The following SCEL variants were observed in gnomAD, a reference collection of about 807,000 sequenced individuals.
SCEL encodes the protein sciellin.
Under a neutral mutation model 117.6 loss-of-function variants are expected in SCEL, and 113 were observed. That is an observed-to-expected ratio of 0.96 (90% confidence interval 0.83 to 1.12). The LOEUF (loss-of-function observed/expected upper bound fraction) is 1.12. Ranked by LOEUF, SCEL falls within the 50% of genes most tolerant of loss-of-function variation. The pLI, the probability that SCEL is intolerant of heterozygous loss-of-function variation, is 0.00. For synonymous variants in SCEL, 270 were observed against 256.2 expected (o/e 1.05, Z -0.51); for missense variants, 785 against 810.8 (o/e 0.97, Z 0.39).
At chr13:77,627,378 A>G (rs2089793187) in intron 27 of SCEL, among the ~76,000 whole-genome samples, 1 of 152,186 alleles carries the variant, frequency 6.6e-6, no homozygotes, top group Non-Finnish European at 1.5e-5. Context: ...ATGTTAGCTG[A>G]AAAGAAGTCG....
chr13:77,638,600 G>C (rs2090414963), intron 30 of SCEL, among the ~76,000 whole-genome samples: 1 of 152,180 alleles, frequency 6.6e-6, no homozygotes, highest in African/African-American at 2.4e-5. Flanking sequence ...GCAGAAGTCA[G>C]TTCTCCATGA....
chr13:77,631,182 G>A (rs927852427), intron 28 of SCEL, among the ~76,000 whole-genome samples: 15 of 152,164 alleles, frequency 9.9e-5, no homozygotes, highest in South Asian at 6.2e-4. Context: ...TCTGGATAGG[G>A]GGCCCAGTAG....
rs182930937 is a variant in SCEL at position 77,591,459 on chromosome 13, A to G, written c.691A>G (p.Arg231Gly). Reference protein sequence around the residue: ...ETNRSAERNIRSQDLDNIVKV... With the variant: ...ETNRSAERNIGSQDLDNIVKV... ...CAACAGATCTGCTGAAAGAAATATA[A>G]GGTACACTGATTTCTATTTATATCT... Residue 231 changes from arginine to glycine, a missense_variant and splice_region_variant, in exon 11 of 33, where the codon AGG (arginine) becomes GGG (glycine). By Grantham distance (125) the Arg-to-Gly change is moderately radical (BLOSUM62 -2). Coordinates refer to ENST00000349847, the MANE Select transcript of SCEL (RefSeq NM_144777.3). The G allele has an allele frequency of 2.5e-5, 38 of 1,517,284 alleles. No homozygotes were observed. The East Asian group carries it at 8.1e-4, about 32-fold the overall frequency. The allele number at this position is 1,517,284 out of a possible 1,614,324, so 94.0% of individuals were successfully genotyped here. A position where few individuals can be genotyped will look rare whatever the true frequency, so the allele number is the denominator to read the frequency against.
At chr13:77,562,998 G>C (rs375239848) in intron 4 of SCEL, among the ~76,000 whole-genome samples, 1 of 152,102 alleles carries the variant, frequency 6.6e-6, no homozygotes, top group African/African-American at 2.4e-5. Flanking sequence ...ATATCATAGG[G>C]TTATATGAGG....
At chr13:77,638,644 A>G (rs1030436179) in intron 30 of SCEL, among the ~76,000 whole-genome samples, 2 of 152,206 alleles carry the variant, frequency 1.3e-5, no homozygotes, top group African/African-American at 4.8e-5. Flanking sequence ...TGCTGTTGAT[A>G]GTGTGTGAAA....
intron 3 of SCEL, among the ~76,000 whole-genome samples, chr13:77,558,150 G>A (rs1367109232): frequency 2.0e-5 from 3 of 152,196 alleles, no homozygotes; most frequent in Admixed American, 6.5e-5. Context: ...TTACACAGAC[G>A]AGTGACGATA....
At chr13:77,631,960 A>G (rs1321041350) in intron 28 of SCEL, among the ~76,000 whole-genome samples, 2 of 152,198 alleles carry the variant, frequency 1.3e-5, no homozygotes, top group African/African-American at 4.8e-5. Context: ...GGCCTCTCTT[A>G]CTGGCTTGCA....
At chr13:77,588,298 A>T (rs368927943) in intron 9 of SCEL, among the ~76,000 whole-genome samples, 1 of 152,248 alleles carries the variant, frequency 6.6e-6, no homozygotes, top group African/African-American at 2.4e-5. Flanking sequence ...AATCAAGTTA[A>T]CCTGTTACCA....
intron 4 of SCEL, among the ~76,000 whole-genome samples, chr13:77,560,912 A>G (rs2084943852): frequency 6.6e-6 from 1 of 150,936 alleles, no homozygotes. Flanking sequence ...TCTATTTTGG[A>G]AACTTTTGTT....
intron 11 of SCEL, 90 bp downstream of exon 11, chr13:77,591,550 T>C: frequency 2.7e-6 from 2 of 736,502 alleles, no homozygotes; most frequent in Admixed American, 2.7e-5. Context: ...CAATTAATAA[T>C]AAGGTAGACA....
At chr13:77,578,655 T>C (rs551752743) in intron 9 of SCEL, among the ~76,000 whole-genome samples, 1 of 152,268 alleles carries the variant, frequency 6.6e-6, no homozygotes. Flanking sequence ...AGTAACACAA[T>C]GCTAGGTTTT....
intron 9 of SCEL, among the ~76,000 whole-genome samples, chr13:77,580,180 A>T (rs17067978): frequency 0.11 from 17,480 of 152,212 alleles, 1,101 homozygotes; most frequent in Non-Finnish European, 0.15. Flanking sequence ...TATGCTGTAG[A>T]TTTGGAATAT....
At chr13:77,567,599 C>A in intron 5 of SCEL, 81 bp from the exon 6 acceptor site, 1 of 929,220 alleles carries the variant, frequency 1.1e-6, no homozygotes, top group Non-Finnish European at 1.7e-6. Context: ...TGTTGTTAAG[C>A]TATTCTAGCA....
At chr13:77,556,213 A>G (rs2084647885) in intron 2 of SCEL, among the ~76,000 whole-genome samples, 1 of 152,196 alleles carries the variant, frequency 6.6e-6, no homozygotes. Context: ...ACCAGGACTT[A>G]TTGACTATTA....
intron 1 of SCEL, among the ~76,000 whole-genome samples, chr13:77,547,556 C>T (rs2084062383): frequency 6.6e-6 from 1 of 152,182 alleles, no homozygotes; most frequent in African/African-American, 2.4e-5. Context: ...CTCTGCCCAT[C>T]TGGAAGTTTG....
intron 11 of SCEL, among the ~76,000 whole-genome samples, 161 bp from the exon 12 acceptor site, chr13:77,593,353 A>C (rs1366837418): frequency 6.6e-6 from 1 of 150,506 alleles, no homozygotes; most frequent in African/African-American, 2.5e-5. Context: ...GTGTGCCATG[A>C]GCTGACATAA....
chr13:77,545,056 G>A (rs1002428874), intron 1 of SCEL, among the ~76,000 whole-genome samples: 16 of 152,178 alleles, frequency 1.1e-4, no homozygotes, highest in African/African-American at 3.6e-4. Context: ...GTGCTTCATA[G>A]GTAAAGGTTT....
intron 12 of SCEL, chr13:77,597,240 CAT>C (rs2154400921): frequency 3.2e-6 from 1 of 317,000 alleles, no homozygotes; most frequent in Admixed American, 5.5e-5. Flanking sequence ...GGAGCATTAA[CAT>C]GAGACCAGTG....
intron 4 of SCEL, among the ~76,000 whole-genome samples, chr13:77,563,449 G>C (rs1593943361): frequency 6.6e-6 from 1 of 152,166 alleles, no homozygotes; most frequent in Non-Finnish European, 1.5e-5. Context: ...ATATAGTTGA[G>C]TATAAAAGAT....
Sources: gnomAD v4.1 joint callset for allele counts (sites outside exome capture counted in the v4.1 genomes callset) on GRCh38, gnomAD v4.1.1 for gene constraint, MANE v1.5 for transcripts, NCBI Gene and HGNC (gene_info 2026-07-23, HGNC 2026-07-21) for gene names.